Variants in FASTKD1 observed in about 807,000 individuals in gnomAD.
FASTKD1 encodes the protein FAST kinase domain-containing protein 1, mitochondrial.
Under a neutral mutation model 90.9 loss-of-function variants are expected in FASTKD1, and 94 were observed. That is an observed-to-expected ratio of 1.03 (90% confidence interval 0.88 to 1.23). FASTKD1 has a LOEUF of 1.23. Ranked by LOEUF, FASTKD1 falls within the 50% of genes most tolerant of loss-of-function variation. The probability of loss-of-function intolerance (pLI) is 0.00; values close to 1 mark genes in which losing one functional copy is unlikely to be tolerated. For missense variants in FASTKD1, 945 were observed against 993.5 expected (o/e 0.95, Z 0.66); for synonymous variants, 319 against 345.8 (o/e 0.92, Z 0.86).
chr2:169,538,605 G>A (rs967961369), intron 10 of FASTKD1, among the ~76,000 whole-genome samples: 9 of 147,416 alleles, frequency 6.1e-5, no homozygotes, highest in African/African-American at 2.3e-4. Flanking sequence ...GAATCCAGAA[G>A]GTGGGGTTTT....
intron 10 of FASTKD1, 124 bp from the exon 11 acceptor site, chr2:169,538,265 T>C (rs1684811982): frequency 9.1e-6 from 7 of 769,728 alleles, no homozygotes; most frequent in Non-Finnish European, 1.4e-5. Flanking sequence ...TTTAGAACTG[T>C]TTACATTTCT....
At chr2:169,548,731 C>CAA (rs58560988) in intron 7 of FASTKD1, among the ~76,000 whole-genome samples, 644 of 35,236 alleles carry the variant, frequency 0.018, 2 homozygotes, top group East Asian at 0.025. Context: ...GACTCCGCCT[C>CAA]AAAAAAAAAA....
intron 12 of FASTKD1, 124 bp from the exon 13 acceptor site, chr2:169,531,614 G>A (rs1171410531): frequency 3.1e-5 from 22 of 703,446 alleles, no homozygotes; most frequent in East Asian, 2.8e-5. Flanking sequence ...AAAGAATGAC[G>A]AACCTCTCAG....
chr2:169,563,579 T>C (rs1457112538), intron 3 of FASTKD1, among the ~76,000 whole-genome samples: 2 of 152,154 alleles, frequency 1.3e-5, no homozygotes, highest in Non-Finnish European at 2.9e-5. Flanking sequence ...TTACTTAATT[T>C]TTTTAGATGA....
chr2:169,533,577 G>A (rs540732095), intron 12 of FASTKD1, among the ~76,000 whole-genome samples: 2 of 152,088 alleles, frequency 1.3e-5, no homozygotes, highest in Admixed American at 6.5e-5. Flanking sequence ...AAGTACTTAC[G>A]AAGTACTTAA....
intron 9 of FASTKD1, among the ~76,000 whole-genome samples, chr2:169,541,997 A>G (rs912879639): frequency 6.6e-6 from 1 of 152,098 alleles, no homozygotes; most frequent in Non-Finnish European, 1.5e-5. Flanking sequence ...TCACTCTCTC[A>G]ATTCATTTAA....
chr2:169,538,223 C>T, intron 10 of FASTKD1, 82 bp from the exon 11 acceptor site: 7 of 1,139,054 alleles, frequency 6.1e-6, no homozygotes. Flanking sequence ...CATTTATCCC[C>T]ACTATTAGTA....
At chr2:169,538,438 A>T (rs1412618682) in intron 10 of FASTKD1, among the ~76,000 whole-genome samples, 1 of 152,098 alleles carries the variant, frequency 6.6e-6, no homozygotes, top group Non-Finnish European at 1.5e-5. Flanking sequence ...ACACTTTGGG[A>T]GGCTGAGGTG....
intron 4 of FASTKD1, among the ~76,000 whole-genome samples, chr2:169,561,470 TA>T (rs1683595923): frequency 6.6e-6 from 1 of 151,922 alleles, no homozygotes; most frequent in South Asian, 2.1e-4. Context: ...AATCTTATGT[TA>T]AAAACAAAAC....
intron 14 of FASTKD1, 96 bp from the exon 15 acceptor site, chr2:169,530,022 A>G: frequency 2.4e-6 from 2 of 819,548 alleles, no homozygotes; most frequent in Non-Finnish European, 3.8e-6. Context: ...AGCTGTAGGA[A>G]TCCTATGAAA....
chr2:169,557,251 G>C lies in FASTKD1; in HGVS notation c.1018C>G (p.Gln340Glu). The C allele has an allele frequency of 1.2e-6, 2 of 1,612,110 alleles. No homozygotes were observed. The highest frequency in any genetic ancestry group is 1.7e-6 in the Non-Finnish European group (2 of 1,179,104). The change falls in exon 6 of 15, where the codon CAA (glutamine) becomes GAA (glutamate). Residue 340 changes from glutamine to glutamate, a missense_variant. Coordinates refer to ENST00000453153, the MANE Select transcript of FASTKD1 (RefSeq NM_024622.6). Reference protein sequence around the residue: ...LLMSEDLTGEQALAVLGAMGD... With the variant: ...LLMSEDLTGEEALAVLGAMGD... Reference sequence around the variant, plus strand: ...ATTGCTCCCAACACTGCCAGGGCTTGCTCGCCAGTTAGGTCCTCTGACATC... The same window carrying C: ...ATTGCTCCCAACACTGCCAGGGCTTCCTCGCCAGTTAGGTCCTCTGACATC...
chr2:169,554,040 A>C (rs1483796343), intron 7 of FASTKD1, among the ~76,000 whole-genome samples: 1 of 151,344 alleles, frequency 6.6e-6, no homozygotes, highest in Non-Finnish European at 1.5e-5. Flanking sequence ...GTGAGTTTGA[A>C]GATGTGGTAA....
At chr2:169,537,914 G>A (rs1684792938) in intron 11 of FASTKD1, 99 bp downstream of exon 11, 2 of 993,530 alleles carry the variant, frequency 2.0e-6, no homozygotes, top group African/African-American at 1.6e-5. Flanking sequence ...CTCTTGGGAA[G>A]GCTCGTGTCA....
At position 169,530,612 on chromosome 2, in the gene FASTKD1, T is replaced by C. The variant is rs1326126945; in HGVS notation, c.2417A>G (p.Glu806Gly). 6.2e-7 allele frequency: 1 copy of C among 1,607,584 alleles called. No homozygotes were observed. Among genetic ancestry groups the C allele is most frequent in the East Asian group, 2.2e-5 (1 of 44,694 alleles). ...GKSAMKKRHL[E>G]ILGYRVIQIS... ...CTGAATTACACGATACCCCAGAATT[T>C]CCAAATGTCGTTTTTTCATAGCAGA... is the stretch of plus-strand genomic sequence containing the variant. The change falls in exon 14 of 15, where the codon GAA becomes GGA. Residue 806 changes from glutamate (E) to glycine (G), a missense_variant. Transcript: ENST00000453153.
chr2:169,539,966 A>G, intron 10 of FASTKD1, 85 bp downstream of exon 10: 1 of 761,036 alleles, frequency 1.3e-6, no homozygotes, highest in South Asian at 3.5e-5. Context: ...AGTTATTAAC[A>G]TTAAAATTCT....
Position 169,540,069 on chromosome 2 carries a change from A to T in FASTKD1, c.1927T>A (p.Leu643Met), listed in dbSNP as rs183969391. The T allele has an allele frequency of 3.8e-6, 6 of 1,595,686 alleles. No individual in the cohort carries two copies. In the South Asian group the frequency reaches 5.7e-5, roughly 15 times the overall value. ...TACATACTTTCAAGTTGAGAATCCA[A>T]TCTAGCTAAGAATTTGATGTTAAAA... ...AIFNIKFLAR[L>M]DSQLEILSPS... The change falls in exon 10 of 15, where the codon TTG becomes ATG. Residue 643 changes from leucine to methionine, a missense_variant. Transcript: ENST00000453153.
intron 12 of FASTKD1, among the ~76,000 whole-genome samples, chr2:169,534,846 AC>A (rs1684661252): frequency 6.7e-6 from 1 of 149,094 alleles, no homozygotes; most frequent in African/African-American, 2.5e-5. Context: ...ACAGAAGAAA[AC>A]CTTTTTGTCT....
chr2:169,572,170 T>C lies in FASTKD1; in HGVS notation c.-141A>G, dbSNP rs1339811972. On this transcript the variant is annotated splice_region_variant and 5_prime_UTR_variant, in exon 2 of 15. Coordinates refer to ENST00000453153, the MANE Select transcript of FASTKD1 (RefSeq NM_024622.6). Reference sequence around the variant, plus strand: ...CTGTAAACGCATTCCAATGTACAGCTTCTATAAAAGAATTGGTTTAACATG... The same window carrying C: ...CTGTAAACGCATTCCAATGTACAGCCTCTATAAAAGAATTGGTTTAACATG... 1.1e-6 allele frequency: 1 copy of C among 927,322 alleles called. No individual in the cohort carries two copies. The highest frequency in any genetic ancestry group is 2.8e-5 in the East Asian group (1 of 36,264). 57.4% of individuals were successfully genotyped at this position (927,322 alleles called of 1,614,324 possible). A position where few individuals can be genotyped will look rare whatever the true frequency, so the allele number is the denominator to read the frequency against.
chr2:169,555,244 A>G lies in FASTKD1; in HGVS notation c.1094T>C (p.Val365Ala). The change falls in exon 7 of 15, where the codon GTT (valine) becomes GCT (alanine). Residue 365 changes from valine (V) to alanine (A), a missense_variant. By Grantham distance (64) the Val-to-Ala change is moderately conservative. Coordinates refer to ENST00000453153, the MANE Select transcript of FASTKD1 (RefSeq NM_024622.6). ...NSCLIKRVTS[V>A]LHKHLDGYKP... ...ATAGCCATCCAAATGTTTATGCAGAACTGAAGTAACTCTAAAAAGGATAGA... is the reference window on the plus strand; with the variant it reads ...ATAGCCATCCAAATGTTTATGCAGAGCTGAAGTAACTCTAAAAAGGATAGA... 1 of 1,607,618 alleles carries G rather than the reference A, an allele frequency of 6.2e-7. No homozygotes were observed. Among genetic ancestry groups the G allele is most frequent in the South Asian group, 1.1e-5 (1 of 90,400 alleles).
Sources: allele counts gnomAD v4.1 joint callset (sites outside exome capture counted in the v4.1 genomes callset), GRCh38; gene constraint gnomAD v4.1.1; transcripts MANE v1.5; gene names NCBI Gene and HGNC (gene_info 2026-07-23, HGNC 2026-07-21).